NBPF20: variants seen among roughly 807,000 people sequenced by gnomAD.
The protein encoded by NBPF20 is NBPF family member NBPF20.
In NBPF20, 90 loss-of-function variants were observed where a neutral mutation model predicts 68.1. That is an observed-to-expected ratio of 1.32 (90% CI 1.11 to 1.58). NBPF20 has a LOEUF of 1.58. Ranked by LOEUF, NBPF20 falls within the 40% of genes most tolerant of loss-of-function variation. The pLI, the probability that NBPF20 is intolerant of heterozygous loss-of-function variation, is 0.00. For missense variants in NBPF20, 816 were observed against 601.2 expected (o/e 1.36, Z -3.74); for synonymous variants, 290 against 228.1 (o/e 1.27, Z -2.45).
exon 138 of NBPF20, chr1:145,290,018 GT>G (rs1258256914): frequency 6.8e-6 from 1 of 147,448 alleles, no homozygotes; most frequent in African/African-American, 2.6e-5. Flanking sequence ...TAGGCAAAAG[GT>G]TTTAATTGTA....
intron 9 of NBPF20, 97 bp downstream of exon 14, chr1:145,393,787 A>T (rs1467398355): frequency 7.3e-7 from 1 of 1,369,024 alleles, no homozygotes; most frequent in Non-Finnish European, 1.0e-6. Context: ...TTGTCTGACA[A>T]GACAAAATCA....
At chr1:145,424,887 C>A in the NBPF20 span, among the ~76,000 whole-genome samples, 3 of 152,166 alleles carry the variant, frequency 2.0e-5, no homozygotes, top group Non-Finnish European at 4.4e-5. Context: ...ACCCGGCTTG[C>A]CCATCACCAG....
At chr1:145,295,193 A>T in intron 133 of NBPF20, 8 of 660,042 alleles carry the variant, frequency 1.2e-5, no homozygotes, top group Non-Finnish European at 1.9e-5. Flanking sequence ...AGGAGAAAGT[A>T]AGCTCAGCGA....
intron 137 of NBPF20, 118 bp from the exon 143 acceptor site, chr1:145,291,887 A>G: frequency 1.3e-6 from 2 of 1,581,874 alleles, no homozygotes; most frequent in Non-Finnish European, 1.7e-6. Context: ...TAGATCCATT[A>G]ATGAGGTAAA....
At chr1:145,394,515 T>G (rs1206008918) in intron 8 of NBPF20, among the ~76,000 whole-genome samples, 1 of 151,996 alleles carries the variant, frequency 6.6e-6, no homozygotes, top group Non-Finnish European at 1.5e-5. Flanking sequence ...ATAAATTCAG[T>G]GAAACCTGGG....
chr1:145,399,925 G>C (rs1414968537), intron 6 of NBPF20, among the ~76,000 whole-genome samples: 1 of 151,928 alleles, frequency 6.6e-6, no homozygotes, highest in Non-Finnish European at 1.5e-5. Flanking sequence ...CCTGATTTCA[G>C]GGTGACTGTG....
At chr1:145,417,621 C>CA in the NBPF20 span, among the ~76,000 whole-genome samples, 17,757 of 53,030 alleles carry the variant, frequency 0.33, 2,436 homozygotes, top group Non-Finnish European at 0.41. Context: ...CAACACAAAG[C>CA]AAAAAAAAAA....
At chr1:145,292,924 G>C (rs1553658544) in intron 136 of NBPF20, among the ~76,000 whole-genome samples, 13 of 21,964 alleles carry the variant, frequency 5.9e-4, no homozygotes, top group Middle Eastern at 9.3e-3. Flanking sequence ...CAAAATCATA[G>C]TTCTCTGAAT....
At chr1:145,424,323 T>C in the NBPF20 span, among the ~76,000 whole-genome samples, 59 of 151,828 alleles carry the variant, frequency 3.9e-4, no homozygotes, top group African/African-American at 1.3e-3. Context: ...TTCAGTAACT[T>C]TTCAAAGATT....
chr1:145,425,551 C>T, the NBPF20 span, among the ~76,000 whole-genome samples: 4 of 152,240 alleles, frequency 2.6e-5, no homozygotes, highest in Admixed American at 6.5e-5. Context: ...TCAACCGCCG[C>T]CCAGCCCATA....
chr1:145,411,050 T>C, the NBPF20 span, among the ~76,000 whole-genome samples: 5 of 147,260 alleles, frequency 3.4e-5, no homozygotes, highest in African/African-American at 1.2e-4. Context: ...TTGATTTTCA[T>C]AGCTGTAGAG....
chr1:145,403,097 C>T lies in NBPF20; in HGVS notation c.278+119G>A, dbSNP rs1231721660. On this transcript the variant is annotated intron_variant, in intron 3 of 137. Coordinates refer to ENST00000369373, the Ensembl canonical transcript of NBPF20. ...TAAATATTTATGTGTAGCGAGCCTG[C>T]CATGGCAATTCCTGCCCTTCCCCTG... 2.8e-5 allele frequency: 29 copies of T among 1,053,036 alleles called. No individual in the cohort carries two copies. In the Admixed American group the frequency reaches 3.1e-4, roughly 11 times the overall value. The allele number at this position is 1,053,036 out of a possible 1,614,324, so 65.2% of individuals were successfully genotyped here. A position where few individuals can be genotyped will look rare whatever the true frequency, so the allele number is the denominator to read the frequency against.
At chr1:145,298,553 T>G (rs1661354974) in intron 129 of NBPF20, among the ~76,000 whole-genome samples, 1 of 89,580 alleles carries the variant, frequency 1.1e-5, no homozygotes, top group African/African-American at 6.0e-5. Context: ...GCAGTCGCCA[T>G]GAGAATACAG....
intron 7 of NBPF20, among the ~76,000 whole-genome samples, chr1:145,396,810 G>A (rs1212025465): frequency 8.2e-5 from 12 of 146,842 alleles, no homozygotes; most frequent in African/African-American, 2.8e-4. Context: ...GGGTACATGT[G>A]CACAACGTGC....
the NBPF20 span, among the ~76,000 whole-genome samples, chr1:145,424,709 A>C: frequency 6.6e-6 from 1 of 152,142 alleles, no homozygotes; most frequent in Admixed American, 6.5e-5. Context: ...ACAAGCCAGA[A>C]AGACAGACAG....
At chr1:145,407,332 C>T (rs1271663314), upstream of NBPF20, among the ~76,000 whole-genome samples, 4 of 142,074 alleles carry the variant, frequency 2.8e-5, no homozygotes, top group Admixed American at 7.1e-5. Flanking sequence ...ATGTAAATGA[C>T]GAGTTAATGG....
chr1:145,406,716 TA>T (rs1173300989), upstream of NBPF20, among the ~76,000 whole-genome samples: 17 of 146,186 alleles, frequency 1.2e-4, no homozygotes, highest in East Asian at 3.1e-3. Flanking sequence ...CTCAAATTTT[TA>T]TATTCATTGA....
chr1:145,403,022 G>A (rs1224167865), intron 3 of NBPF20, among the ~76,000 whole-genome samples, 194 bp downstream of exon 8: 2 of 151,930 alleles, frequency 1.3e-5, no homozygotes, highest in African/African-American at 4.8e-5. Context: ...ACAAGGCTCT[G>A]AGAAACAACT....
rs1330644504 is a variant in NBPF20 at position 145,311,011 on chromosome 1, A to G, written c.13713-181T>C. ...CCAGGGCCAGGTAGAAAAGAATGAA[A>G]GAGAAAGACAGGGAGAGGGAGGGAG... On this transcript the variant is annotated intron_variant, in intron 113 of 137. Transcript: ENST00000369373. 4.8e-5 allele frequency among the ~76,000 whole-genome samples: 4 copies of G among 82,978 alleles called. 1 individual carries two copies. Among genetic ancestry groups the G allele is most frequent in the Non-Finnish European group, 8.9e-5 (4 of 44,756 alleles). The allele number at this position is 82,978 out of a possible 152,430, so 54.4% of individuals were successfully genotyped here. A position where few individuals can be genotyped will look rare whatever the true frequency, so the allele number is the denominator to read the frequency against.
Sources: allele counts gnomAD v4.1 joint callset (sites outside exome capture counted in the v4.1 genomes callset), GRCh38; gene constraint gnomAD v4.1.1; transcripts MANE v1.5; gene names NCBI Gene and HGNC (gene_info 2026-07-23, HGNC 2026-07-21).